Variants in ARPP21 observed in about 807,000 individuals in gnomAD.
ARPP21 encodes the protein cAMP-regulated phosphoprotein 21.
A neutral mutation model predicts 113.2 loss-of-function variants in ARPP21; 69 were observed. The observed-to-expected ratio is 0.61, with a 90% confidence interval of 0.50 to 0.74. ARPP21 has a LOEUF of 0.74. Ranked by LOEUF, ARPP21 falls within the 30% of genes least tolerant of loss-of-function variation. ARPP21 has a pLI of 0.00. For missense variants in ARPP21, 1,070 were observed against 1,037.4 expected (o/e 1.03, Z -0.43); for synonymous variants, 368 against 375.5 (o/e 0.98, Z 0.23).
intron 3 of ARPP21, chr3:35,682,372 G>A (rs3772396): frequency 0.1 from 16,490 of 158,196 alleles, 916 homozygotes; most frequent in Non-Finnish European, 0.12. Context: ...CTTGAAGGAG[G>A]AAAAAAGACT....
intron 2 of ARPP21, chr3:35,681,418 A>G (rs1225339431): frequency 4.8e-6 from 1 of 209,006 alleles, no homozygotes; most frequent in African/African-American, 2.3e-5. Flanking sequence ...TCTACTCTGT[A>G]GTGGAGAATG....
intron 10 of ARPP21, among the ~76,000 whole-genome samples, chr3:35,708,164 T>A (rs1310701236): frequency 6.6e-6 from 1 of 152,116 alleles, no homozygotes; most frequent in Non-Finnish European, 1.5e-5. Context: ...TGTGCCTGTG[T>A]CATGTTTAGT....
At chr3:35,691,639 GT>G (rs762667810) in intron 9 of ARPP21, among the ~76,000 whole-genome samples, 1 of 151,428 alleles carries the variant, frequency 6.6e-6, no homozygotes, top group Non-Finnish European at 1.5e-5. Flanking sequence ...ATAATTGTTT[GT>G]TTTTCTCTTA....
At position 35,738,250 on chromosome 3, in the gene ARPP21, C is replaced by A; in HGVS notation, c.1681C>A (p.Gln561Lys). Residue 561 changes from glutamine (Q) to lysine (K), a missense_variant, in exon 17 of 21, where the codon CAA (glutamine) becomes AAA (lysine). Physicochemically the swap from Gln to Lys is moderately conservative, Grantham distance 53 (BLOSUM62 1). Transcript: ENST00000684406. Reference protein sequence around the residue: ...QGLQASSQSVQYPAVSFPPQH... With the variant: ...QGLQASSQSVKYPAVSFPPQH... ...GCTGCAGGCTTCCTCCCAGTCAGTG[C>A]AATATCCAGCAGTCTCTTTTCCTCC... is the stretch of plus-strand genomic sequence containing the variant. 1.2e-5 allele frequency: 18 copies of A among 1,536,370 alleles called. No homozygotes were observed. The highest frequency in any genetic ancestry group is 1.6e-5 in the Non-Finnish European group (18 of 1,146,824).
In ARPP21 at chr3:35,733,998, T is replaced by A. The variant is rs116449839; in HGVS notation, c.1460-3180T>A. On this transcript the variant is annotated intron_variant, in intron 15 of 20. Coordinates refer to ENST00000684406, the MANE Select transcript of ARPP21 (RefSeq NM_001385562.1). ...TCTAGTTATGATCAGTTTTTCATAC[T>A]TCCTTAGTTTTCATTGGGGTAAATC... Among the ~76,000 whole-genome samples the A allele has an allele frequency of 8.0e-3, 1,220 of 152,356 alleles. 11 individuals are homozygous for A. Among genetic ancestry groups the A allele is most frequent in the African/African-American group, 0.025 (1,033 of 41,580 alleles).
At position 35,709,090 on chromosome 3, in the gene ARPP21, G is replaced by A; in HGVS notation, c.897+20G>A. The A allele has an allele frequency of 6.5e-7, 1 of 1,547,264 alleles. No individual in the cohort carries two copies. Among genetic ancestry groups the A allele is most frequent in the Non-Finnish European group, 8.9e-7 (1 of 1,120,126 alleles). ...CACGATGTGAGTAGTTGTTTTAATT[G>A]CCTCTTTAGTGCGCTCCTTCCAACA... On this transcript the variant is annotated intron_variant, in intron 11 of 20. Transcript: ENST00000684406.
intron 13 of ARPP21, among the ~76,000 whole-genome samples, chr3:35,719,948 GA>G (rs1376980050): frequency 3.3e-5 from 5 of 152,174 alleles, no homozygotes; most frequent in African/African-American, 1.2e-4. Flanking sequence ...AAGACAATCA[GA>G]AATGGAATAG....
At chr3:35,698,472 A>G (rs968369791) in intron 9 of ARPP21, among the ~76,000 whole-genome samples, 3 of 151,716 alleles carry the variant, frequency 2.0e-5, no homozygotes, top group South Asian at 2.1e-4. Flanking sequence ...CTGTGGAGTC[A>G]TGATATGTTT....
intron 1 of ARPP21, among the ~76,000 whole-genome samples, chr3:35,669,647 G>A (rs954068681): frequency 6.6e-6 from 1 of 152,094 alleles, no homozygotes; most frequent in Non-Finnish European, 1.5e-5. Context: ...TCAAGTGCAA[G>A]GTTACACATT....
intron 1 of ARPP21, among the ~76,000 whole-genome samples, chr3:35,650,947 G>T (rs1435362470): frequency 6.6e-6 from 1 of 151,990 alleles, no homozygotes; most frequent in African/African-American, 2.4e-5. Flanking sequence ...TAAAAATTAG[G>T]TTTATCAAAA....
intron 19 of ARPP21, among the ~76,000 whole-genome samples, chr3:35,750,028 A>C (rs945200458): frequency 2.1e-5 from 3 of 146,106 alleles, no homozygotes; most frequent in Non-Finnish European, 4.5e-5. Context: ...ATTTTTCTAT[A>C]TTGTTTTAGC....
At chr3:35,730,432 C>G (rs1224316670) in intron 15 of ARPP21, among the ~76,000 whole-genome samples, 1 of 152,168 alleles carries the variant, frequency 6.6e-6, no homozygotes, top group Non-Finnish European at 1.5e-5. Flanking sequence ...AGGTAGAGTA[C>G]AGAAATGCTG....
At position 35,792,485 on chromosome 3, in the gene ARPP21, G is replaced by A. The variant is rs772370103; in HGVS notation, c.2241G>A (p.Pro747=). ...QNVINNQQGT[P]VQSVMVSYPT... ...TGATAAATAACCAACAAGGAACTCC[G>A]GTGCAAAGCGTGATGGTTTCCTACC... Residue 747 remains proline (P), a synonymous_variant, in exon 20 of 21, where the codon CCG becomes CCA. Coordinates refer to ENST00000684406, the MANE Select transcript of ARPP21 (RefSeq NM_001385562.1). The A allele has an allele frequency of 4.3e-6, 7 of 1,614,022 alleles. No homozygotes were observed. The highest frequency in any genetic ancestry group is 4.5e-5 in the East Asian group (2 of 44,876).
chr3:35,729,310 G>A lies in ARPP21; in HGVS notation c.1233G>A (p.Glu411=). The change falls in exon 15 of 21, where the codon GAG becomes GAA. Residue 411 remains glutamate, a synonymous_variant. Transcript: ENST00000684406. ...ATTGTATCCCTATGCCAGGTTCCGAGTCTTCCAGCAGTGCAGGCTCCTCAG... is the reference window on the plus strand; with the variant it reads ...ATTGTATCCCTATGCCAGGTTCCGAATCTTCCAGCAGTGCAGGCTCCTCAG... ...STGKLSKAGS[E]SSSSAGSSGS... 1 of 1,613,478 alleles carries A rather than the reference G, an allele frequency of 6.2e-7. No homozygotes were observed. Among genetic ancestry groups the A allele is most frequent in the Non-Finnish European group, 8.5e-7 (1 of 1,179,466 alleles).
At chr3:35,762,184 C>A (rs529019981) in intron 19 of ARPP21, among the ~76,000 whole-genome samples, 16 of 150,844 alleles carry the variant, frequency 1.1e-4, no homozygotes, top group African/African-American at 3.9e-4. Context: ...ATTATTCTTA[C>A]ACTTAAAATT....
At chr3:35,738,361 T>C in intron 17 of ARPP21, 43 bp downstream of exon 17, 1 of 1,462,488 alleles carries the variant, frequency 6.8e-7, no homozygotes, top group Non-Finnish European at 9.3e-7. Flanking sequence ...TAGGAAAGCA[T>C]ATTCTCTGAT....
intron 19 of ARPP21, among the ~76,000 whole-genome samples, chr3:35,782,024 A>C (rs191042410): frequency 6.6e-6 from 1 of 152,286 alleles, no homozygotes; most frequent in Non-Finnish European, 1.5e-5. Flanking sequence ...TGGCATTCTG[A>C]AATTTAAATC....
chr3:35,669,046 A>G (rs2075672627), intron 1 of ARPP21, among the ~76,000 whole-genome samples: 1 of 152,124 alleles, frequency 6.6e-6, no homozygotes, highest in African/African-American at 2.4e-5. Flanking sequence ...TGCAGCCTTC[A>G]TCATATTAAT....
At chr3:35,704,359 T>C (rs1272880577) in intron 9 of ARPP21, among the ~76,000 whole-genome samples, 2 of 151,694 alleles carry the variant, frequency 1.3e-5, no homozygotes, top group Non-Finnish European at 3.0e-5. Flanking sequence ...GAAAAACAAA[T>C]AAATGACTAC....
Sources: gnomAD v4.1 joint callset for allele counts (sites outside exome capture counted in the v4.1 genomes callset) on GRCh38, gnomAD v4.1.1 for gene constraint, MANE v1.5 for transcripts, NCBI Gene and HGNC (gene_info 2026-07-23, HGNC 2026-07-21) for gene names.